Variants in ABCG2 observed in about 807,000 individuals in gnomAD.
ABCG2 encodes broad substrate specificity ATP-binding cassette transporter ABCG2.
ABCG2 carries 80 observed loss-of-function variants against 73.5 expected under a neutral mutation model. The observed-to-expected ratio is 1.09, with a 90% CI of 0.91 to 1.31. The LOEUF (loss-of-function observed/expected upper bound fraction) is 1.31. Ranked by LOEUF, ABCG2 falls within the 50% of genes most tolerant of loss-of-function variation. ABCG2 has a pLI of 0.00. For missense variants in ABCG2, 796 were observed against 786.2 expected (o/e 1.01, Z -0.15); for synonymous variants, 269 against 282.4 (o/e 0.95, Z 0.48).
At chr4:88,140,576 C>T (rs377419065) in intron 1 of ABCG2, among the ~76,000 whole-genome samples, 2 of 152,042 alleles carry the variant, frequency 1.3e-5, no homozygotes, top group East Asian at 1.9e-4. Context: ...GAGCAGAGAT[C>T]GTGCCACTGT....
At chr4:88,187,378 C>T (rs1456476225) in intron 1 of ABCG2, among the ~76,000 whole-genome samples, 2 of 151,862 alleles carry the variant, frequency 1.3e-5, no homozygotes, top group African/African-American at 2.4e-5. Context: ...TTTGGGAGGC[C>T]GAGGTGGGCG....
intron 13 of ABCG2, among the ~76,000 whole-genome samples, chr4:88,097,196 C>G (rs943728587): frequency 1.3e-5 from 2 of 152,092 alleles, no homozygotes; most frequent in Non-Finnish European, 2.9e-5. Context: ...AAAGAAACGC[C>G]TTTTAAAAGC....
intron 1 of ABCG2, among the ~76,000 whole-genome samples, chr4:88,187,093 C>CAAAA: frequency 2.2e-5 from 1 of 45,194 alleles, no homozygotes; most frequent in Non-Finnish European, 3.6e-5. Context: ...GATTCTGTCT[C>CAAAA]AAAAAAAAAA....
chr4:88,103,732 A>C (rs1447306785), intron 10 of ABCG2, among the ~76,000 whole-genome samples: 1 of 151,874 alleles, frequency 6.6e-6, no homozygotes, highest in Non-Finnish European at 1.5e-5. Context: ...TTCCCCACAC[A>C]CCTCTAGCCT....
chr4:88,198,403 C>A (rs1403188071), intron 1 of ABCG2, among the ~76,000 whole-genome samples: 1 of 151,998 alleles, frequency 6.6e-6, no homozygotes. Flanking sequence ...GGGACCCAGG[C>A]AGGAAAATCA....
At chr4:88,176,919 T>C (rs931540630) in intron 1 of ABCG2, among the ~76,000 whole-genome samples, 3 of 152,118 alleles carry the variant, frequency 2.0e-5, no homozygotes, top group African/African-American at 7.2e-5. Flanking sequence ...TGTCAAGTTA[T>C]AGCAAGTATT....
intron 1 of ABCG2, among the ~76,000 whole-genome samples, chr4:88,144,708 C>T (rs923457348): frequency 1.3e-5 from 2 of 152,150 alleles, no homozygotes; most frequent in South Asian, 2.1e-4. Context: ...CCGCCCACGT[C>T]GGCCTCCAAA....
chr4:88,096,651 T>C (rs1211659723), intron 13 of ABCG2, among the ~76,000 whole-genome samples: 3 of 151,992 alleles, frequency 2.0e-5, no homozygotes, highest in African/African-American at 7.3e-5. Flanking sequence ...CTGTCAAGTA[T>C]GATGTTGAAG....
chr4:88,149,873 G>C (rs10015296), intron 1 of ABCG2, among the ~76,000 whole-genome samples: 2 of 151,972 alleles, frequency 1.3e-5, no homozygotes, highest in Admixed American at 6.6e-5. Context: ...ATAATAATTC[G>C]ATATTTACTA....
chr4:88,110,057 C>T (rs1022224039), intron 9 of ABCG2, among the ~76,000 whole-genome samples: 2 of 152,038 alleles, frequency 1.3e-5, no homozygotes, highest in African/African-American at 4.8e-5. Flanking sequence ...TCAAGCAATC[C>T]TCCCACCTCA....
upstream of ABCG2, among the ~76,000 whole-genome samples, chr4:88,231,572 G>A (rs1413873700): frequency 1.3e-5 from 2 of 152,062 alleles, no homozygotes; most frequent in Non-Finnish European, 2.9e-5. Flanking sequence ...ACCAATTCTA[G>A]CAAATGGCTT....
At chr4:88,148,222 G>T (rs1560714743) in intron 1 of ABCG2, among the ~76,000 whole-genome samples, 1 of 152,184 alleles carries the variant, frequency 6.6e-6, no homozygotes, top group African/African-American at 2.4e-5. Context: ...AGGGCTGCTT[G>T]TGGGACTTGA....
intron 1 of ABCG2, among the ~76,000 whole-genome samples, chr4:88,190,315 AT>A (rs891114341): frequency 2.3e-4 from 35 of 152,146 alleles, no homozygotes; most frequent in African/African-American, 7.9e-4. Flanking sequence ...CTCACTTTAT[AT>A]CCCTGTTCTA....
intron 1 of ABCG2, among the ~76,000 whole-genome samples, chr4:88,196,539 G>T (rs776778848): frequency 1.3e-5 from 2 of 152,098 alleles, no homozygotes; most frequent in African/African-American, 4.8e-5. Context: ...GCTGTCAAGT[G>T]CATCTCCTGT....
In ABCG2 at chr4:88,140,528, A is replaced by G. The variant is rs1017973669; in HGVS notation, c.-19-514T>C. ...TCCCAGCTACTTGGGAGGCTGAGGC[A>G]GGAGAATGGCTTGAACCAGGGAGGC... On this transcript the variant is annotated intron_variant, in intron 1 of 15. Transcript: ENST00000237612. Among the ~76,000 whole-genome samples, 15 of 152,302 alleles carry G rather than the reference A, an allele frequency of 9.8e-5. 1 individual carries two copies. The highest frequency in any genetic ancestry group is 7.2e-4 in the Admixed American group (11 of 15,298).
chr4:88,119,117 G>T (rs1013306596), intron 6 of ABCG2, among the ~76,000 whole-genome samples: 1 of 152,120 alleles, frequency 6.6e-6, no homozygotes, highest in African/African-American at 2.4e-5. Flanking sequence ...TGTTCTCGTG[G>T]TACTGAAAAA....
At chr4:88,126,627 A>G (rs936209151) in intron 5 of ABCG2, among the ~76,000 whole-genome samples, 3 of 152,218 alleles carry the variant, frequency 2.0e-5, no homozygotes, top group African/African-American at 7.2e-5. Flanking sequence ...TTCAACATAT[A>G]GAAATCAATA....
At chr4:88,146,228 A>G (rs1213903313) in intron 1 of ABCG2, among the ~76,000 whole-genome samples, 2 of 150,814 alleles carry the variant, frequency 1.3e-5, no homozygotes, top group Non-Finnish European at 2.9e-5. Flanking sequence ...TTTAGAGAAG[A>G]AAAAATCCTT....
intron 10 of ABCG2, among the ~76,000 whole-genome samples, chr4:88,102,239 T>G (rs1474723263): frequency 6.6e-6 from 1 of 152,180 alleles, no homozygotes; most frequent in Non-Finnish European, 1.5e-5. Context: ...AAAATCTAAT[T>G]TGTGTATCGT....
Sources: gnomAD v4.1 joint callset for allele counts (sites outside exome capture counted in the v4.1 genomes callset) on GRCh38, gnomAD v4.1.1 for gene constraint, MANE v1.5 for transcripts, NCBI Gene and HGNC (gene_info 2026-07-23, HGNC 2026-07-21) for gene names.